The following KIF4A variants were observed in gnomAD, a reference collection of about 807,000 sequenced individuals.
The protein encoded by KIF4A is kinesin family member 4A.
KIF4A carries 7 observed loss-of-function variants against 105.9 expected under a neutral mutation model. The observed-to-expected ratio is 0.07, with a 90% CI of 0.04 to 0.12. The LOEUF is 0.12. Among genes scored for constraint, KIF4A ranks in the 10% least tolerant of loss-of-function variants. KIF4A has a pLI of 1.00. For synonymous variants in KIF4A, 281 were observed against 331.3 expected, an observed-to-expected ratio of 0.85 and a Z score of 1.65; for missense variants, 558 against 929.2, an observed-to-expected ratio of 0.60 and a Z score of 5.19.
At chrX:70,368,810 C>T (rs1242183081) in intron 15 of KIF4A, among the ~76,000 whole-genome samples, 1 of 112,197 alleles carries the variant, frequency 8.9e-6, no homozygotes, top group African/African-American at 3.2e-5. Flanking sequence ...GCAGGGGTTT[C>T]TGCTGCCTTT....
intron 29 of KIF4A, 113 bp downstream of exon 29, chrX:70,418,117 C>T (rs186924543): frequency 1.9e-6 from 1 of 538,751 alleles, no homozygotes; most frequent in African/African-American, 2.3e-5. Context: ...CTCTTCCAAC[C>T]CTTCTCCTTC....
At chrX:70,342,448 G>A (rs140215706) in intron 11 of KIF4A, among the ~76,000 whole-genome samples, 1 of 111,940 alleles carries the variant, frequency 8.9e-6, no homozygotes, top group African/African-American at 3.2e-5. Flanking sequence ...CTGATTACAC[G>A]AGTTCTGACT....
chrX:70,305,713 G>A lies in KIF4A; in HGVS notation c.778+3315G>A, dbSNP rs540947169. ...ATTTCTCTTGAGTGTATACCTATGA[G>A]TGGAATTGCTGGATCATATGGTCAC... On this transcript the variant is annotated intron_variant, in intron 7 of 30. Coordinates refer to ENST00000374403, the MANE Select transcript of KIF4A (RefSeq NM_012310.5). 5.4e-5 allele frequency among the ~76,000 whole-genome samples: 6 copies of A among 112,078 alleles called. No individual in the cohort carries two copies. In the East Asian group the frequency reaches 1.7e-3, roughly 31 times the overall value.
intron 7 of KIF4A, among the ~76,000 whole-genome samples, chrX:70,306,083 G>A (rs2085825673): frequency 8.9e-6 from 1 of 112,016 alleles, no homozygotes; most frequent in Admixed American, 9.5e-5. Flanking sequence ...TTTTGCATAT[G>A]ATGTGAAGAG....
rs1311871859 is a variant in KIF4A at position 70,362,241 on chromosome X, G to C, written c.1674+8434G>C. The C allele has an allele frequency of 2.8e-5, 10 of 356,306 alleles. No homozygotes were observed. The East Asian group carries it at 8.2e-4, about 29-fold the overall frequency. The allele number at this position is 356,306 out of a possible 1,213,427, so 29.4% of individuals were successfully genotyped here. ...CTGGTTGACCAAGGCCTTCCCCATTGAGGAGATCTTCTCATCCACCACATC... is the reference window on the plus strand; with the variant it reads ...CTGGTTGACCAAGGCCTTCCCCATTCAGGAGATCTTCTCATCCACCACATC... On this transcript the variant is annotated intron_variant, in intron 15 of 30. Transcript: ENST00000374403.
chrX:70,318,440 T>A (rs775042489), intron 7 of KIF4A, among the ~76,000 whole-genome samples: 6 of 111,707 alleles, frequency 5.4e-5, no homozygotes, highest in African/African-American at 2.0e-4. Flanking sequence ...ATATTCCATT[T>A]TTTTCCAGTT....
chrX:70,387,624 T>C (rs1188363911), intron 20 of KIF4A, among the ~76,000 whole-genome samples: 1 of 111,988 alleles, frequency 8.9e-6, no homozygotes, highest in African/African-American at 3.2e-5. Flanking sequence ...TCCCAGCACA[T>C]TGGGAGGCCG....
At chrX:70,325,107 G>C (rs2085905895) in intron 7 of KIF4A, among the ~76,000 whole-genome samples, 1 of 111,720 alleles carries the variant, frequency 9.0e-6, no homozygotes, top group South Asian at 3.7e-4. Flanking sequence ...ATTTTAATCT[G>C]CCTTCTTTTA....
intron 4 of KIF4A, 46 bp from the exon 5 acceptor site, chrX:70,299,067 C>T (rs1222159481): frequency 9.8e-7 from 1 of 1,021,689 alleles, no homozygotes; most frequent in South Asian, 2.1e-5. Context: ...CAGAGATTAC[C>T]ACTGTTAACA....
rs959493156 is a variant in KIF4A at position 70,370,018 on chromosome X, G to A, written c.1675-4133G>A. Among the ~76,000 whole-genome samples, 3 of 110,867 alleles carry A rather than the reference G, an allele frequency of 2.7e-5. No individual in the cohort carries two copies. In the Admixed American group the frequency reaches 2.9e-4, roughly 11 times the overall value. On this transcript the variant is annotated intron_variant, in intron 15 of 30. Transcript: ENST00000374403. ...TACAAAATACCATTATGTTATAATT[G>A]CCCACAGTATTCAGTACAGTCATAT...
intron 15 of KIF4A, among the ~76,000 whole-genome samples, chrX:70,355,259 T>A (rs2086046380): frequency 9.0e-6 from 1 of 111,531 alleles, no homozygotes; most frequent in African/African-American, 3.3e-5. Context: ...GAGGAGAGAC[T>A]ATAGGGTTGG....
intron 18 of KIF4A, among the ~76,000 whole-genome samples, chrX:70,384,172 C>G (rs1475042523): frequency 2.7e-5 from 3 of 112,139 alleles, no homozygotes; most frequent in African/African-American, 9.7e-5. Flanking sequence ...CTTTGTTTTG[C>G]TCACTTCTGC....
intron 7 of KIF4A, among the ~76,000 whole-genome samples, chrX:70,312,868 T>C (rs2085855875): frequency 8.9e-6 from 1 of 112,371 alleles, no homozygotes; most frequent in African/African-American, 3.2e-5. Flanking sequence ...AAAAGTTATT[T>C]AGAAGGTGCT....
rs764817782 is a variant in KIF4A, at chrX:70,329,501, A to G, written c.875A>G (p.Lys292Arg). The G allele has an allele frequency of 1.4e-5, 17 of 1,206,896 alleles. No individual in the cohort carries two copies. In the East Asian group the frequency reaches 4.7e-4, roughly 34 times the overall value. ...GGCTTTGTGCCCTACAGAGATTCCAAGTTGACTCGACTGCTTCAAGGTAAG... is the reference window on the plus strand; with the variant it reads ...GGCTTTGTGCCCTACAGAGATTCCAGGTTGACTCGACTGCTTCAAGGTAAG... ...KGGFVPYRDS[K>R]LTRLLQDSLG... Residue 292 changes from lysine to arginine, a missense_variant, in exon 8 of 31, where the codon AAG becomes AGG. Lys to Arg is a conservative substitution (Grantham distance 26). Transcript: ENST00000374403.
At chrX:70,398,094 A>G (rs1315788035) in intron 22 of KIF4A, among the ~76,000 whole-genome samples, 3 of 112,045 alleles carry the variant, frequency 2.7e-5, no homozygotes, top group Admixed American at 1.9e-4. Flanking sequence ...CTGGAGTACA[A>G]TGGCGCGATC....
chrX:70,354,682 G>A (rs1274704026), intron 15 of KIF4A, among the ~76,000 whole-genome samples: 2 of 112,143 alleles, frequency 1.8e-5, no homozygotes, highest in African/African-American at 3.2e-5. Context: ...GACAGAAGTG[G>A]GGAGGAGAGA....
In KIF4A at chrX:70,293,636, T is replaced by C. The variant is rs182530672; in HGVS notation, c.235+2831T>C. On this transcript the variant is annotated intron_variant, in intron 3 of 30. Coordinates refer to ENST00000374403, the MANE Select transcript of KIF4A (RefSeq NM_012310.5). Reference sequence around the variant, plus strand: ...CCTATACACCTGAGCCTACTGCTCCTAGGCTACAAACCTGCAAAGCATGTT... The same window carrying C: ...CCTATACACCTGAGCCTACTGCTCCCAGGCTACAAACCTGCAAAGCATGTT... Among the ~76,000 whole-genome samples the C allele has an allele frequency of 8.9e-5, 10 of 112,525 alleles. No homozygotes were observed. In the East Asian group the frequency reaches 2.5e-3, roughly 28 times the overall value.
intron 15 of KIF4A, among the ~76,000 whole-genome samples, chrX:70,357,231 G>T (rs984708973): frequency 9.0e-6 from 1 of 111,302 alleles, no homozygotes; most frequent in African/African-American, 3.3e-5. Flanking sequence ...GGAGAATGGC[G>T]TGAACCCAGG....
In KIF4A at chrX:70,335,035, A is replaced by G. The variant is rs183200324; in HGVS notation, c.1133+1346A>G. ...ACTTACCATATGATCCAGCAATCCC[A>G]CTTCTGTTTATATATCCAAAATAAT... On this transcript the variant is annotated intron_variant, in intron 10 of 30. Coordinates refer to ENST00000374403, the MANE Select transcript of KIF4A (RefSeq NM_012310.5). Among the ~76,000 whole-genome samples, 397 of 111,907 alleles carry G rather than the reference A, an allele frequency of 3.5e-3. 1 individual carries two copies. Among genetic ancestry groups the G allele is most frequent in the Middle Eastern group, 0.014 (3 of 218 alleles).
Sources: allele counts gnomAD v4.1 joint callset (sites outside exome capture counted in the v4.1 genomes callset), GRCh38; gene constraint gnomAD v4.1.1; transcripts MANE v1.5; gene names NCBI Gene and HGNC (gene_info 2026-07-23, HGNC 2026-07-21).